Variants in RBBP5 observed in about 807,000 individuals in gnomAD.
RBBP5 encodes the protein retinoblastoma-binding protein 5.
RBBP5 carries 5 observed loss-of-function variants against 72.2 expected under a neutral mutation model. The ratio of observed to expected loss-of-function variants is 0.07; its 90% CI spans 0.04 to 0.15. RBBP5 has a LOEUF of 0.15. Ranked by LOEUF, RBBP5 falls within the 10% of genes least tolerant of loss-of-function variation. The pLI is 1.00. For synonymous variants in RBBP5, 209 were observed against 237.2 expected (o/e 0.88, Z 1.09); for missense variants, 322 against 652.2 (o/e 0.49, Z 5.51).
In RBBP5 at chr1:205,121,973, A is replaced by C; in HGVS notation, c.-100T>G. 4 of 1,563,270 alleles carry C rather than the reference A, an allele frequency of 2.6e-6. No individual in the cohort carries two copies. Among genetic ancestry groups the C allele is most frequent in the Non-Finnish European group, 3.5e-6 (4 of 1,152,442 alleles). On this transcript the variant is annotated 5_prime_UTR_variant, in exon 1 of 14. Coordinates refer to ENST00000264515, the MANE Select transcript of RBBP5 (RefSeq NM_005057.4). Reference sequence around the variant, plus strand: ...TCTAAGTGGTGGACGCCGCGAAGAGACTGGCGCAAGCTCCGAAGACTTTCG... The same window carrying C: ...TCTAAGTGGTGGACGCCGCGAAGAGCCTGGCGCAAGCTCCGAAGACTTTCG...
intron 11 of RBBP5, 58 bp from the exon 12 acceptor site, chr1:205,096,969 C>A: frequency 6.9e-7 from 1 of 1,449,700 alleles, no homozygotes. Flanking sequence ...TTGCTTAAAC[C>A]ATGAGCCCTT....
At chr1:205,101,049 G>A (rs1008809860) in intron 6 of RBBP5, among the ~76,000 whole-genome samples, 3 of 152,198 alleles carry the variant, frequency 2.0e-5, no homozygotes, top group African/African-American at 7.2e-5. Context: ...CTCCAGCTGT[G>A]TGGCAGGGTT....
Position 205,096,696 on chromosome 1 carries a change from C to A in RBBP5, c.1382G>T (p.Gly461Val). Residue 461 changes from glycine to valine, a missense_variant, in exon 12 of 14, where the codon GGA becomes GTA. Gly to Val is a moderately radical substitution (Grantham distance 109, BLOSUM62 -3). Transcript: ENST00000264515. ...GTAGCTCTTACCATCATTTGGTACT[C>A]CTTGAAGTTCTATATTGGTTGTTTT... Reference protein sequence around the residue: ...KPKTTNIELQGVPNDEVHPLL... With the variant: ...KPKTTNIELQVVPNDEVHPLL... The A allele has an allele frequency of 6.2e-7, 1 of 1,613,962 alleles. No homozygotes were observed. Among genetic ancestry groups the A allele is most frequent in the African/African-American group, 1.3e-5 (1 of 75,034 alleles).
intron 10 of RBBP5, 123 bp downstream of exon 10, chr1:205,098,864 AGT>A: frequency 1.9e-6 from 1 of 518,080 alleles, no homozygotes; most frequent in Middle Eastern, 4.8e-4. Flanking sequence ...AAAAAAAAAA[AGT>A]GTGGGGTGGA....
chr1:205,100,665 G>A (rs1655784380), intron 6 of RBBP5, among the ~76,000 whole-genome samples: 1 of 151,774 alleles, frequency 6.6e-6, no homozygotes. Context: ...TTACTGTAAT[G>A]ACATTGAAAA....
chr1:205,094,360 A>G (rs1053052794), intron 13 of RBBP5, among the ~76,000 whole-genome samples: 5 of 152,368 alleles, frequency 3.3e-5, no homozygotes, highest in Middle Eastern at 6.8e-3. Context: ...ACTAAGAGAG[A>G]GAAAGCACTA....
Position 205,088,678 on chromosome 1 carries a change from G to C in RBBP5, c.*109C>G. On this transcript the variant is annotated 3_prime_UTR_variant, in exon 14 of 14. Coordinates refer to ENST00000264515, the MANE Select transcript of RBBP5 (RefSeq NM_005057.4). ...ATTCACCCTCCCACCTCCTGGGTGG[G>C]AGGCACAGGCCTTTGTTTTAAATTA... The C allele has an allele frequency of 8.7e-7, 1 of 1,143,768 alleles. No individual in the cohort carries two copies. The highest frequency in any genetic ancestry group is 1.3e-6 in the Non-Finnish European group (1 of 794,486). The allele number at this position is 1,143,768 out of a possible 1,614,324, so 70.9% of individuals were successfully genotyped here.
At position 205,087,082 on chromosome 1, in the gene RBBP5, T is replaced by C. The variant is rs900028399; in HGVS notation, c.*1705A>G. ...AACTACTGAATATACTGGTTTTAAA[T>C]GATGGAGTGAGACAAAGAGGCTCTT... is the stretch of plus-strand genomic sequence containing the variant. On this transcript the variant is annotated 3_prime_UTR_variant, in exon 14 of 14. Coordinates refer to ENST00000264515, the MANE Select transcript of RBBP5 (RefSeq NM_005057.4). 1 of 152,208 alleles carries C rather than the reference T, an allele frequency of 6.6e-6. No homozygotes were observed. Among genetic ancestry groups the C allele is most frequent in the African/African-American group, 2.4e-5 (1 of 41,442 alleles). The allele number at this position is 152,208 out of a possible 1,614,324, so 9.4% of individuals were successfully genotyped here.
chr1:205,116,325 T>A lies in RBBP5; in HGVS notation c.20-442A>T, dbSNP rs1430908522. On this transcript the variant is annotated intron_variant, in intron 1 of 13. Transcript: ENST00000264515. ...ATGCTTTAAAAATATTATCTCAGTT[T>A]TAACTTCTAAATTGGTAAACACTGG... is the stretch of plus-strand genomic sequence containing the variant. The A allele has an allele frequency of 1.1e-5, 4 of 380,802 alleles. No homozygotes were observed. In the East Asian group the frequency reaches 3.1e-4, roughly 30 times the overall value. 23.6% of individuals were successfully genotyped at this position (380,802 alleles called of 1,614,324 possible).
chr1:205,102,998 A>T lies in RBBP5; in HGVS notation c.522+859T>A, dbSNP rs545616682. Among the ~76,000 whole-genome samples the T allele has an allele frequency of 1.7e-3, 247 of 147,808 alleles. 1 individual carries two copies. The highest frequency in any genetic ancestry group is 3.5e-3 in the Middle Eastern group (1 of 288). ...ACAACAAGAGCGAAACTCCATCTCA[A>T]AAAAAAAAAAAAAAATTGCCTTTCT... On this transcript the variant is annotated intron_variant, in intron 5 of 13. Coordinates refer to ENST00000264515, the MANE Select transcript of RBBP5 (RefSeq NM_005057.4).
At chr1:205,088,923 C>CCAAGAAATT (rs1655230693) in intron 13 of RBBP5, 108 bp from the exon 14 acceptor site, 7 of 947,098 alleles carry the variant, frequency 7.4e-6, no homozygotes, top group Non-Finnish European at 1.1e-5. Context: ...CACACGTGGA[C>CCAAGAAATT]CAAGAAATTC....
At chr1:205,118,691 A>G (rs1483150111) in intron 1 of RBBP5, among the ~76,000 whole-genome samples, 1 of 152,202 alleles carries the variant, frequency 6.6e-6, no homozygotes, top group Non-Finnish European at 1.5e-5. Flanking sequence ...AGGATTAAAT[A>G]TAATTCTGAG....
intron 5 of RBBP5, 80 bp from the exon 6 acceptor site, chr1:205,101,789 G>A (rs779716728): frequency 3.1e-5 from 30 of 978,592 alleles, no homozygotes; most frequent in African/African-American, 1.1e-4. Flanking sequence ...CTAATACTGC[G>A]TAAAGACTGG....
At chr1:205,090,100 C>T (rs549269775) in intron 13 of RBBP5, among the ~76,000 whole-genome samples, 2 of 152,294 alleles carry the variant, frequency 1.3e-5, no homozygotes, top group East Asian at 1.9e-4. Flanking sequence ...GTGATCCACC[C>T]GCCTCGGACT....
intron 12 of RBBP5, 75 bp from the exon 13 acceptor site, chr1:205,095,139 A>C (rs1388538725): frequency 7.2e-7 from 1 of 1,387,758 alleles, no homozygotes; most frequent in African/African-American, 1.4e-5. Flanking sequence ...TTTGTTGAGC[A>C]AAGAATGTTG....
chr1:205,101,771 G>T, intron 5 of RBBP5, 62 bp from the exon 6 acceptor site: 1 of 1,243,220 alleles, frequency 8.0e-7, no homozygotes. Context: ...AATTGATTTG[G>T]CTTGTTTCTA....
In RBBP5 at chr1:205,086,821, G is replaced by A. The variant is rs7537322; in HGVS notation, c.*1966C>T. 121,598 of 152,122 alleles carry A rather than the reference G, an allele frequency of 0.8. 49,810 individuals carry two copies. The highest frequency in any genetic ancestry group is 0.97 in the East Asian group (4,997 of 5,158). 9.4% of individuals were successfully genotyped at this position (152,122 alleles called of 1,614,324 possible). A position where few individuals can be genotyped will look rare whatever the true frequency, so the allele number is the denominator to read the frequency against. ...CAGAGGAAACCAAGCTACTTCACAC[G>A]TGGAAAGATGGCAGAAACCCTCTAA... is the stretch of plus-strand genomic sequence containing the variant. On this transcript the variant is annotated 3_prime_UTR_variant, in exon 14 of 14. Coordinates refer to ENST00000264515, the MANE Select transcript of RBBP5 (RefSeq NM_005057.4).
intron 3 of RBBP5, among the ~76,000 whole-genome samples, chr1:205,109,880 G>A (rs1489741432): frequency 6.6e-6 from 1 of 152,028 alleles, no homozygotes; most frequent in African/African-American, 2.4e-5. Context: ...AACAAGGGGG[G>A]TGGCAAGCTC....
chr1:205,095,202 CTATAAG>C (rs1655563065), intron 12 of RBBP5, 138 bp from the exon 13 acceptor site: 1 of 848,598 alleles, frequency 1.2e-6, no homozygotes, highest in South Asian at 1.8e-5. Flanking sequence ...TGTCTTATTT[CTATAAG>C]TATAAAACAG....
Sources: allele counts gnomAD v4.1 joint callset (sites outside exome capture counted in the v4.1 genomes callset), GRCh38; gene constraint gnomAD v4.1.1; transcripts MANE v1.5; gene names NCBI Gene and HGNC (gene_info 2026-07-23, HGNC 2026-07-21).